ZFAT: variants seen among roughly 807,000 people sequenced by gnomAD.
ZFAT encodes the protein zinc finger protein ZFAT.
ZFAT carries 64 observed loss-of-function variants against 117.7 expected under a neutral mutation model. The observed-to-expected ratio is 0.54, with a 90% CI of 0.44 to 0.67. The LOEUF is 0.67. Among genes scored for constraint, ZFAT ranks in the 30% least tolerant of loss-of-function variants. The pLI, the probability that ZFAT is intolerant of heterozygous loss-of-function variation, is 0.00. For synonymous variants in ZFAT, 679 were observed against 615.0 expected (o/e 1.10, Z -1.54); for missense variants, 1,433 against 1,584.5 (o/e 0.90, Z 1.62).
At chr8:134,544,175 C>A (rs1263454020) in intron 11 of ZFAT, among the ~76,000 whole-genome samples, 2 of 152,156 alleles carry the variant, frequency 1.3e-5, no homozygotes, top group Non-Finnish European at 2.9e-5. Flanking sequence ...GCATTAACCC[C>A]GCTATGGTGT....
At chr8:134,499,676 G>A (rs1818815634) in intron 15 of ZFAT, among the ~76,000 whole-genome samples, 1 of 152,234 alleles carries the variant, frequency 6.6e-6, no homozygotes. Context: ...ATTTGGGAGG[G>A]GTGCGGTGGA....
At chr8:134,593,353 C>T (rs898617378) in intron 7 of ZFAT, among the ~76,000 whole-genome samples, 1 of 101,080 alleles carries the variant, frequency 9.9e-6, no homozygotes, top group Admixed American at 1.1e-4. Context: ...GGGTACTGGG[C>T]GGGGGTGGTG....
chr8:134,587,603 G>A (rs1826160677), intron 9 of ZFAT, among the ~76,000 whole-genome samples: 1 of 152,128 alleles, frequency 6.6e-6, no homozygotes, highest in South Asian at 2.1e-4. Flanking sequence ...TCCCCAGGAG[G>A]GCCATGTCCT....
At chr8:134,632,246 TCTTC>T (rs1353367522) in intron 3 of ZFAT, among the ~76,000 whole-genome samples, 1 of 152,232 alleles carries the variant, frequency 6.6e-6, no homozygotes, top group African/African-American at 2.4e-5. Context: ...ACATATTCTC[TCTTC>T]CTTATGACTT....
At chr8:134,766,004 G>T in the ZFAT span, 1 of 152,258 alleles carries the variant, frequency 6.6e-6, no homozygotes, top group South Asian at 2.1e-4. Flanking sequence ...GCACACTGGA[G>T]GCCTTGACCC....
chr8:134,750,071 G>A, the ZFAT span, among the ~76,000 whole-genome samples: 2 of 152,038 alleles, frequency 1.3e-5, no homozygotes, highest in Non-Finnish European at 2.9e-5. Context: ...GATCAGTTTC[G>A]GAGGAACAAA....
intron 3 of ZFAT, among the ~76,000 whole-genome samples, chr8:134,618,075 G>A (rs922963169): frequency 5.3e-5 from 8 of 152,100 alleles, no homozygotes; most frequent in East Asian, 3.9e-4. Context: ...TTCACCTCCC[G>A]CCATGATTCT....
chr8:134,599,521 G>T (rs1827244000), intron 7 of ZFAT: 1 of 306,264 alleles, frequency 3.3e-6, no homozygotes, highest in Non-Finnish European at 6.3e-6. Flanking sequence ...GGGCCTGTGA[G>T]AGTGTTGGAG....
In ZFAT at chr8:134,663,493, C is replaced by T. The variant is rs528408849; in HGVS notation, c.20-5756G>A. On this transcript the variant is annotated intron_variant, in intron 1 of 15. Coordinates refer to ENST00000377838, the MANE Select transcript of ZFAT (RefSeq NM_020863.4). ...ATAACTTCTGCCTGTAATCCCAGCA[C>T]TTCGGGAGGGCAAGGTGGGTGGATC... Among the ~76,000 whole-genome samples, 451 of 152,220 alleles carry T rather than the reference C, an allele frequency of 3.0e-3. 6 individuals carry two copies. The highest frequency in any genetic ancestry group is 0.01 in the African/African-American group (426 of 41,524).
chr8:134,743,747 C>G, the ZFAT span, among the ~76,000 whole-genome samples: 2 of 152,112 alleles, frequency 1.3e-5, no homozygotes, highest in East Asian at 3.9e-4. Flanking sequence ...CCAGAAGCGT[C>G]TGTCTCTCCT....
At chr8:134,586,908 C>T (rs1360989604) in intron 9 of ZFAT, among the ~76,000 whole-genome samples, 3 of 152,198 alleles carry the variant, frequency 2.0e-5, no homozygotes, top group South Asian at 4.1e-4. Context: ...CCTCATTTTC[C>T]TCATTGGTAA....
chr8:134,593,589 G>C (rs1826686476), intron 7 of ZFAT, among the ~76,000 whole-genome samples: 1 of 152,206 alleles, frequency 6.6e-6, no homozygotes, highest in Non-Finnish European at 1.5e-5. Flanking sequence ...AGGACCCTTT[G>C]AAAGAAGGGA....
the ZFAT span, among the ~76,000 whole-genome samples, chr8:134,823,449 T>C: frequency 6.6e-6 from 1 of 152,226 alleles, no homozygotes; most frequent in Admixed American, 6.5e-5. Flanking sequence ...AGTGCTTATA[T>C]ACATTAATTC....
the ZFAT span, among the ~76,000 whole-genome samples, chr8:134,735,114 TTAA>T: frequency 6.6e-6 from 1 of 152,214 alleles, no homozygotes; most frequent in South Asian, 2.1e-4. Flanking sequence ...GAGTTGGGCC[TTAA>T]TAATTTTTGT....
chr8:134,562,873 G>A (rs556624150), intron 11 of ZFAT, among the ~76,000 whole-genome samples: 1 of 152,290 alleles, frequency 6.6e-6, no homozygotes, highest in East Asian at 1.9e-4. Flanking sequence ...AACCAGTAAG[G>A]ATTTCAGGGC....
the ZFAT span, among the ~76,000 whole-genome samples, chr8:134,729,635 G>A: frequency 5.5e-4 from 83 of 152,244 alleles, no homozygotes; most frequent in African/African-American, 1.5e-3. Context: ...GTCAGGCCCC[G>A]CTTCTGACTG....
intron 15 of ZFAT, among the ~76,000 whole-genome samples, chr8:134,491,677 A>C (rs1818066443): frequency 6.6e-6 from 1 of 152,192 alleles, no homozygotes; most frequent in Admixed American, 6.5e-5. Flanking sequence ...AGTCTTTCTT[A>C]CGATGTCATC....
At chr8:134,492,953 G>C (rs1818158064) in intron 15 of ZFAT, among the ~76,000 whole-genome samples, 1 of 152,188 alleles carries the variant, frequency 6.6e-6, no homozygotes, top group Admixed American at 6.5e-5. Context: ...CTTTTAGGGA[G>C]GAAAGAATGC....
chr8:134,666,916 C>T (rs1026476619), intron 1 of ZFAT, among the ~76,000 whole-genome samples: 25 of 152,100 alleles, frequency 1.6e-4, no homozygotes, highest in Admixed American at 9.2e-4. Context: ...TGAGCAAACC[C>T]GACAGGATAA....
Sources: allele counts gnomAD v4.1 joint callset (sites outside exome capture counted in the v4.1 genomes callset), GRCh38; gene constraint gnomAD v4.1.1; transcripts MANE v1.5; gene names NCBI Gene and HGNC (gene_info 2026-07-23, HGNC 2026-07-21).